The following NAALADL2 variants were observed in gnomAD, a reference collection of about 807,000 sequenced individuals.
NAALADL2 encodes the protein N-acetylated alpha-linked acidic dipeptidase like 2, also known as inactive N-acetylated-alpha-linked acidic dipeptidase-like protein 2.
A neutral mutation model predicts 87.2 loss-of-function variants in NAALADL2; 76 were observed. The ratio of observed to expected loss-of-function variants is 0.87; its 90% CI spans 0.72 to 1.05. NAALADL2 has a LOEUF of 1.05. Among genes scored for constraint, NAALADL2 ranks in the 50% least tolerant of loss-of-function variants. NAALADL2 has a pLI of 0.00. For synonymous variants in NAALADL2, 354 were observed against 331.0 expected, an observed-to-expected ratio of 1.07 and a Z score of -0.75; for missense variants, 1,089 against 945.8, an observed-to-expected ratio of 1.15 and a Z score of -1.99.
chr3:175,515,100 G>A (rs1731657854), intron 9 of NAALADL2, among the ~76,000 whole-genome samples: 1 of 152,196 alleles, frequency 6.6e-6, no homozygotes. Flanking sequence ...ACTATCAAAG[G>A]ATTCAATCTG....
At chr3:175,493,711 T>C (rs147008820) in intron 9 of NAALADL2, among the ~76,000 whole-genome samples, 8 of 152,286 alleles carry the variant, frequency 5.3e-5, no homozygotes, top group African/African-American at 1.7e-4. Flanking sequence ...ATGTCTATAA[T>C]AGTCACCGGT....
chr3:174,603,988 C>T (rs1001544267), intron 2 of NAALADL2, among the ~76,000 whole-genome samples: 1 of 152,140 alleles, frequency 6.6e-6, no homozygotes, highest in Non-Finnish European at 1.5e-5. Flanking sequence ...TACATATGGT[C>T]TATCCTTGAG....
In NAALADL2 at chr3:175,348,786, G is replaced by C. The variant is rs191076420; in HGVS notation, c.1090+24461G>C. Among the ~76,000 whole-genome samples, 320 of 152,206 alleles carry C rather than the reference G, an allele frequency of 2.1e-3. 1 individual carries two copies. Among genetic ancestry groups the C allele is most frequent in the Non-Finnish European group, 2.7e-3 (181 of 68,016 alleles). ...CTGCAAAGACTCTTTTTCTTAAGAG[G>C]GCCACATTCACAGGTTACTGGAGGT... is the stretch of plus-strand genomic sequence containing the variant. On this transcript the variant is annotated intron_variant, in intron 5 of 13. Coordinates refer to ENST00000454872, the MANE Select transcript of NAALADL2 (RefSeq NM_207015.3).
intron 5 of NAALADL2, among the ~76,000 whole-genome samples, chr3:175,390,333 A>G (rs908971154): frequency 4.6e-5 from 7 of 152,212 alleles, no homozygotes; most frequent in African/African-American, 1.7e-4. Flanking sequence ...CATTCTATAG[A>G]AAATCAGTCC....
intron 10 of NAALADL2, among the ~76,000 whole-genome samples, chr3:175,589,951 G>A (rs1721144817): frequency 6.6e-6 from 1 of 152,040 alleles, no homozygotes; most frequent in Non-Finnish European, 1.5e-5. Context: ...GGTGGTTCAC[G>A]CCTATAATCC....
At chr3:174,649,512 C>T (rs1724146088) in intron 2 of NAALADL2, among the ~76,000 whole-genome samples, 1 of 151,968 alleles carries the variant, frequency 6.6e-6, no homozygotes, top group South Asian at 2.1e-4. Flanking sequence ...CAATACTCTT[C>T]CTCTAGCCTA....
intron 10 of NAALADL2, among the ~76,000 whole-genome samples, chr3:175,589,100 T>C (rs987560473): frequency 6.6e-6 from 1 of 152,180 alleles, no homozygotes; most frequent in Non-Finnish European, 1.5e-5. Flanking sequence ...GAGAAGCATG[T>C]AAATTCTAAA....
chr3:175,156,001 G>A (rs182072144), intron 2 of NAALADL2, among the ~76,000 whole-genome samples: 123 of 152,286 alleles, frequency 8.1e-4, no homozygotes, highest in African/African-American at 2.8e-3. Context: ...AACATTTTGA[G>A]GAAACAGTAG....
At chr3:175,094,226 T>G (rs1245266887) in intron 1 of NAALADL2, among the ~76,000 whole-genome samples, 1 of 151,892 alleles carries the variant, frequency 6.6e-6, no homozygotes, top group Non-Finnish European at 1.5e-5. Context: ...TAATCAGGAA[T>G]GCATAAGCTG....
intron 12 of NAALADL2, among the ~76,000 whole-genome samples, chr3:175,748,332 G>T (rs1035679871): frequency 6.6e-6 from 1 of 152,176 alleles, no homozygotes; most frequent in African/African-American, 2.4e-5. Context: ...AAGGACTACT[G>T]TTGCCCCTGG....
intron 5 of NAALADL2, among the ~76,000 whole-genome samples, chr3:175,440,245 TG>T (rs1434288227): frequency 6.6e-6 from 1 of 152,208 alleles, no homozygotes; most frequent in Non-Finnish European, 1.5e-5. Flanking sequence ...TTGATCTATA[TG>T]TCTGTCTTAA....
chr3:175,665,886 G>A lies in NAALADL2; in HGVS notation c.1896+38500G>A, dbSNP rs142730530. ...GCGGACGTTGCAGTGAGCCAAGATC[G>A]CGCCACTGCACTCCAGCCTGGCAAC... On this transcript the variant is annotated intron_variant, in intron 11 of 13. Coordinates refer to ENST00000454872, the MANE Select transcript of NAALADL2 (RefSeq NM_207015.3). Among the ~76,000 whole-genome samples the A allele has an allele frequency of 5.2e-3, 789 of 152,072 alleles. 7 individuals are homozygous for A. Among genetic ancestry groups the A allele is most frequent in the African/African-American group, 0.018 (751 of 41,478 alleles).
intron 6 of NAALADL2, among the ~76,000 whole-genome samples, chr3:175,462,847 A>C (rs73035503): frequency 0.025 from 3,742 of 152,198 alleles, 147 homozygotes; most frequent in African/African-American, 0.083. Context: ...GGACCTACAA[A>C]CTCAGAAATA....
At chr3:174,792,246 C>T (rs971375358) in intron 3 of NAALADL2, among the ~76,000 whole-genome samples, 2 of 133,882 alleles carry the variant, frequency 1.5e-5, no homozygotes, top group African/African-American at 2.9e-5. Context: ...AGAAAGAAGA[C>T]GAAGATGAGG....
At chr3:175,104,707 T>C (rs59823862) in intron 2 of NAALADL2, among the ~76,000 whole-genome samples, 51,726 of 151,918 alleles carry the variant, frequency 0.34, 9,299 homozygotes, top group East Asian at 0.44. Context: ...TAATTCAGTG[T>C]ATGCAAACGA....
chr3:175,481,028 G>A (rs1009285661), intron 9 of NAALADL2, among the ~76,000 whole-genome samples: 1 of 151,758 alleles, frequency 6.6e-6, no homozygotes, highest in Non-Finnish European at 1.5e-5. Context: ...AATGCATGCA[G>A]ATTATGTCGT....
At chr3:175,526,618 G>A (rs1355122275) in intron 9 of NAALADL2, among the ~76,000 whole-genome samples, 3 of 151,008 alleles carry the variant, frequency 2.0e-5, no homozygotes, top group Non-Finnish European at 4.4e-5. Flanking sequence ...AAAATGGGAG[G>A]TTTGTTAAGA....
At chr3:175,276,822 TA>T (rs1753672889) in intron 4 of NAALADL2, among the ~76,000 whole-genome samples, 4 of 152,278 alleles carry the variant, frequency 2.6e-5, no homozygotes, top group African/African-American at 9.6e-5. Flanking sequence ...TTTTCAATCT[TA>T]ATAGTGCAAT....
chr3:174,718,159 C>T (rs1479992567), intron 2 of NAALADL2, among the ~76,000 whole-genome samples: 1 of 152,030 alleles, frequency 6.6e-6, no homozygotes, highest in Non-Finnish European at 1.5e-5. Flanking sequence ...AGGAAATCTC[C>T]TCCTTTAATG....
Sources: gnomAD v4.1 joint callset for allele counts (sites outside exome capture counted in the v4.1 genomes callset) on GRCh38, gnomAD v4.1.1 for gene constraint, MANE v1.5 for transcripts, NCBI Gene and HGNC (gene_info 2026-07-23, HGNC 2026-07-21) for gene names.